The following IL4I1 variants were observed in gnomAD, a reference collection of about 807,000 sequenced individuals.
IL4I1 encodes the protein interleukin 4 induced 1.
Under a neutral mutation model 29.7 loss-of-function variants are expected in IL4I1, and 24 were observed. That is an observed-to-expected ratio of 0.81 (90% confidence interval 0.59 to 1.14). The LOEUF is 1.14. IL4I1 is among the 50% of genes most tolerant of loss of function. The pLI is 0.00. For missense variants in IL4I1, 686 were observed against 785.6 expected (o/e 0.87, Z 1.52); for synonymous variants, 371 against 352.5 (o/e 1.05, Z -0.59).
upstream of IL4I1, among the ~76,000 whole-genome samples, chr19:49,899,840 C>A (rs1411249063): frequency 1.3e-5 from 2 of 152,180 alleles, no homozygotes; most frequent in Non-Finnish European, 2.9e-5. Flanking sequence ...CAGGCGTGAG[C>A]CACCTCGCCC....
chr19:49,901,684 T>A (rs976894952), upstream of IL4I1: 3 of 1,538,648 alleles, frequency 1.9e-6, no homozygotes, highest in Non-Finnish European at 2.6e-6. Context: ...ATGGCCTTTA[T>A]GGTTAGCCCA....
chr19:49,920,669 C>T (rs1390428176), intron 2 of IL4I1, among the ~76,000 whole-genome samples: 1 of 152,180 alleles, frequency 6.6e-6, no homozygotes, highest in Admixed American at 6.5e-5. Context: ...AAGGGCAGGC[C>T]CATGCCTTCC....
intron 1 of IL4I1, chr19:49,927,934 G>C: frequency 6.6e-6 from 1 of 152,248 alleles, no homozygotes; most frequent in East Asian, 1.9e-4. Context: ...ATTTTTGGCA[G>C]GGTTGGGAGA....
intron 2 of IL4I1, among the ~76,000 whole-genome samples, chr19:49,910,582 G>A (rs2075438601): frequency 6.6e-6 from 1 of 152,130 alleles, no homozygotes; most frequent in African/African-American, 2.4e-5. Context: ...TTTTCTCCAG[G>A]CTTGGAAGGC....
chr19:49,890,966 C>T lies in IL4I1; in HGVS notation c.773+5G>A. ...CCCCCCCTGCCCGCCAGCCCCGCCC[C>T]TTACTGGAGTCTGTCGCTGAGGCAG... is the stretch of plus-strand genomic sequence containing the variant. On this transcript the variant is annotated splice_donor_5th_base_variant and intron_variant, in intron 7 of 7. Transcript: ENST00000391826. The T allele has an allele frequency of 6.5e-7, 1 of 1,529,414 alleles. No homozygotes were observed. The allele number at this position is 1,529,414 out of a possible 1,614,324, so 94.7% of individuals were successfully genotyped here.
At chr19:49,892,407 A>G (rs1432573858) in intron 5 of IL4I1, among the ~76,000 whole-genome samples, 2 of 152,150 alleles carry the variant, frequency 1.3e-5, no homozygotes, top group Non-Finnish European at 2.9e-5. Context: ...TCTCTGGGGA[A>G]GGCCTCATGG....
intron 2 of IL4I1, among the ~76,000 whole-genome samples, chr19:49,904,615 C>T (rs987586526): frequency 6.6e-6 from 1 of 152,140 alleles, no homozygotes; most frequent in African/African-American, 2.4e-5. Context: ...GTGGCGCGAT[C>T]TTGGCTCACT....
chr19:49,908,482 T>C, intron 2 of IL4I1: 1 of 1,614,146 alleles, frequency 6.2e-7, no homozygotes, highest in Non-Finnish European at 8.5e-7. Flanking sequence ...GCTTGAGCTG[T>C]GCATCGATGT....
chr19:49,928,055 G>C (rs1344776324), intron 1 of IL4I1: 2 of 152,290 alleles, frequency 1.3e-5, no homozygotes, highest in African/African-American at 4.8e-5. Flanking sequence ...CCAGGGGATG[G>C]GGCCTGGGCA....
chr19:49,925,367 C>A (rs1467303034), intron 2 of IL4I1, among the ~76,000 whole-genome samples: 1 of 150,930 alleles, frequency 6.6e-6, no homozygotes, highest in East Asian at 1.9e-4. Context: ...GCAGGAGGAT[C>A]GTTTGAGCCC....
upstream of IL4I1, among the ~76,000 whole-genome samples, chr19:49,900,771 G>C (rs1190924278): frequency 1.3e-5 from 2 of 152,230 alleles, no homozygotes; most frequent in Non-Finnish European, 2.9e-5. Flanking sequence ...ACTTCAGCTG[G>C]TTTGGGGGTA....
intron 4 of IL4I1, 123 bp from the exon 5 acceptor site, chr19:49,894,592 G>T: frequency 1.4e-6 from 1 of 693,038 alleles, no homozygotes; most frequent in Non-Finnish European, 2.5e-6. Context: ...GCTGGGGGTG[G>T]GGCTAGATTT....
intron 2 of IL4I1, chr19:49,907,815 G>A (rs145149204): frequency 9.0e-6 from 3 of 333,292 alleles, no homozygotes; most frequent in Admixed American, 9.3e-5. Flanking sequence ...AGATTACAGG[G>A]GTGAGCCACT....
At chr19:49,900,027 G>A (rs879203779), upstream of IL4I1, among the ~76,000 whole-genome samples, 1 of 151,990 alleles carries the variant, frequency 6.6e-6, no homozygotes, top group African/African-American at 2.4e-5. Flanking sequence ...CATAGCGACG[G>A]GGCCTTGCTA....
At chr19:49,891,952 T>G (rs1363995192) in intron 5 of IL4I1, among the ~76,000 whole-genome samples, 1 of 152,090 alleles carries the variant, frequency 6.6e-6, no homozygotes, top group East Asian at 1.9e-4. Context: ...CAGGGCATGA[T>G]GGCTGAGAAG....
intron 2 of IL4I1, among the ~76,000 whole-genome samples, chr19:49,904,934 T>A (rs2075302693): frequency 6.6e-6 from 1 of 152,100 alleles, no homozygotes; most frequent in African/African-American, 2.4e-5. Flanking sequence ...ATGGTCTCGA[T>A]CTCCTAACCT....
upstream of IL4I1, chr19:49,901,708 C>T (rs189884055): frequency 8.8e-5 from 135 of 1,532,164 alleles, no homozygotes; most frequent in East Asian, 8.3e-4. Context: ...CAGAAGTCAT[C>T]GTTGGGCATG....
chr19:49,893,410 A>G (rs1296048174), intron 5 of IL4I1, among the ~76,000 whole-genome samples: 1 of 151,568 alleles, frequency 6.6e-6, no homozygotes, highest in South Asian at 2.1e-4. Flanking sequence ...GGTCAGGAGG[A>G]GGATGGCTCC....
chr19:49,917,833 C>T (rs1453693099), intron 2 of IL4I1: 1 of 152,178 alleles, frequency 6.6e-6, no homozygotes, highest in Non-Finnish European at 1.5e-5. Context: ...GAGTTCGAGA[C>T]CAAGCTGACC....
Sources: gnomAD v4.1 joint callset for allele counts (sites outside exome capture counted in the v4.1 genomes callset) on GRCh38, gnomAD v4.1.1 for gene constraint, MANE v1.5 for transcripts, NCBI Gene and HGNC (gene_info 2026-07-23, HGNC 2026-07-21) for gene names.